The following SRGAP3 variants were observed in gnomAD, a reference collection of about 807,000 sequenced individuals.
The protein encoded by SRGAP3 is SLIT-ROBO Rho GTPase-activating protein 3.
Under a neutral mutation model 121.1 loss-of-function variants are expected in SRGAP3, and 39 were observed. The ratio of observed to expected loss-of-function variants is 0.32; its 90% CI spans 0.25 to 0.42. The LOEUF (loss-of-function observed/expected upper bound fraction) is 0.42. Ranked by LOEUF, SRGAP3 falls within the 10% of genes least tolerant of loss-of-function variation. The pLI, the probability that SRGAP3 is intolerant of heterozygous loss-of-function variation, is 1.00. For synonymous variants in SRGAP3, 601 were observed against 570.0 expected, an observed-to-expected ratio of 1.05 and a Z score of -0.77; for missense variants, 1,213 against 1,470.6, an observed-to-expected ratio of 0.82 and a Z score of 2.86.
chr3:9,218,645 CTTT>C lies in SRGAP3; in HGVS notation c.67+30237_67+30239del, dbSNP rs1272763524. 2.0e-5 allele frequency: 3 copies of C among 151,796 alleles called. No homozygotes were observed. Among genetic ancestry groups the C allele is most frequent in the Non-Finnish European group, 2.9e-5 (2 of 67,944 alleles). 9.4% of individuals were successfully genotyped at this position (151,796 alleles called of 1,614,324 possible). On this transcript the variant is annotated intron_variant, in intron 1 of 21. Coordinates refer to ENST00000383836, the MANE Select transcript of SRGAP3 (RefSeq NM_014850.4). This position sits in a 1 kb window ranked among gnomAD's most constrained non-coding sequence, Gnocchi z 5.3. ...TTGAATTTTTTATCTTTTAATTTTA[CTTT>C]TTATTATTTATTATTTTTATTTATT...
chr3:9,274,887 C>A (rs1954542416), intron 3 of SRGAP3, among the ~76,000 whole-genome samples: 1 of 152,210 alleles, frequency 6.6e-6, no homozygotes, highest in Non-Finnish European at 1.5e-5. Flanking sequence ...TGACATCCAG[C>A]TGCTTCTCCT....
chr3:9,211,501 G>C (rs1952444626), intron 1 of SRGAP3, among the ~76,000 whole-genome samples: 1 of 151,988 alleles, frequency 6.6e-6, no homozygotes, highest in Non-Finnish European at 1.5e-5. Flanking sequence ...TTGTATCTAG[G>C]GACATCACAG....
intron 3 of SRGAP3, among the ~76,000 whole-genome samples, chr3:9,324,101 T>G (rs568588356): frequency 6.6e-6 from 1 of 151,868 alleles, no homozygotes; most frequent in African/African-American, 2.4e-5. Flanking sequence ...TGAATGGAGT[T>G]TGAACATTCA....
At chr3:9,057,919 T>G (rs562415608) in intron 7 of SRGAP3, among the ~76,000 whole-genome samples, 2 of 152,286 alleles carry the variant, frequency 1.3e-5, no homozygotes, top group Admixed American at 1.3e-4. Flanking sequence ...GAGGCTACAG[T>G]GAGGCCCAGG....
intron 10 of SRGAP3, among the ~76,000 whole-genome samples, chr3:9,043,024 C>T (rs1401439342): frequency 6.6e-6 from 1 of 152,160 alleles, no homozygotes; most frequent in Non-Finnish European, 1.5e-5. Context: ...AACAGCAACT[C>T]CCCTAGGAAG....
intron 3 of SRGAP3, among the ~76,000 whole-genome samples, chr3:9,302,930 A>G (rs1437552777): frequency 6.7e-6 from 1 of 149,116 alleles, no homozygotes; most frequent in Non-Finnish European, 1.5e-5. Context: ...TACTTAAAGT[A>G]CCTAATATCT....
At chr3:9,025,412 C>G (rs1446001560) in intron 13 of SRGAP3, 74 bp from the exon 14 acceptor site, 27 of 1,438,906 alleles carry the variant, frequency 1.9e-5, no homozygotes, top group Non-Finnish European at 2.4e-5. Context: ...CCGGGAATAT[C>G]AGTGACTCTC....
intron 1 of SRGAP3, among the ~76,000 whole-genome samples, chr3:9,336,253 G>A (rs920816980): frequency 3.5e-5 from 5 of 144,724 alleles, no homozygotes; most frequent in African/African-American, 1.3e-4. Context: ...GTCTCATTCT[G>A]TAACCCAGAC....
At chr3:9,281,542 TTTA>T (rs35128183) in intron 3 of SRGAP3, among the ~76,000 whole-genome samples, 32,012 of 151,690 alleles carry the variant, frequency 0.21, 3,652 homozygotes, top group African/African-American at 0.29. Context: ...TGTACTTACT[TTTA>T]TTATTATTAT....
chr3:9,214,535 A>T (rs1273517617), intron 1 of SRGAP3, among the ~76,000 whole-genome samples: 2 of 152,244 alleles, frequency 1.3e-5, no homozygotes, highest in Non-Finnish European at 1.5e-5. Flanking sequence ...CCAGATAAAC[A>T]GCAAAGCAGT....
intron 2 of SRGAP3, among the ~76,000 whole-genome samples, chr3:9,118,144 A>G (rs1948871783): frequency 1.3e-5 from 2 of 152,134 alleles, no homozygotes; most frequent in African/African-American, 4.8e-5. Flanking sequence ...AAATAAGTAA[A>G]TATGTAAATA....
At chr3:9,168,539 G>A (rs534560305) in intron 1 of SRGAP3, among the ~76,000 whole-genome samples, 3 of 152,288 alleles carry the variant, frequency 2.0e-5, no homozygotes, top group Admixed American at 6.5e-5. Context: ...ATTCACCTGC[G>A]CTTTTTAACA....
intron 11 of SRGAP3, chr3:9,036,947 T>C (rs914763575): frequency 6.6e-6 from 1 of 152,220 alleles, no homozygotes; most frequent in African/African-American, 2.4e-5. Context: ...TGTTTCCAAA[T>C]TGCCAGAGCC....
rs185978084 is a variant in SRGAP3 at position 9,247,482 on chromosome 3, C to A, written c.67+1403G>T. 4.5e-3 allele frequency among the ~76,000 whole-genome samples: 692 copies of A among 152,220 alleles called. 3 individuals are homozygous for A. The highest frequency in any genetic ancestry group is 0.015 in the African/African-American group (636 of 41,526). ...ACTGTTGGTGAGACTGGAAAAAAAA[C>A]AGATCCCTCCCCCCGTGGCTGCTCC... On this transcript the variant is annotated intron_variant, in intron 1 of 21. Coordinates refer to ENST00000383836, the MANE Select transcript of SRGAP3 (RefSeq NM_014850.4).
At chr3:9,070,804 T>C (rs750957791) in intron 4 of SRGAP3, among the ~76,000 whole-genome samples, 13 of 152,164 alleles carry the variant, frequency 8.5e-5, no homozygotes, top group Non-Finnish European at 1.8e-4. Flanking sequence ...ATGTGCCAGG[T>C]ACTATGCTAG....
In SRGAP3 at chr3:9,039,240, G is replaced by A. The variant is rs371194855; in HGVS notation, c.1409-1150C>T. Reference sequence around the variant, plus strand: ...CACTTTCATGACTCCACACTTTCCAGGTGTTCTTCCTGCCCTACAAGTTCC... The same window carrying A: ...CACTTTCATGACTCCACACTTTCCAAGTGTTCTTCCTGCCCTACAAGTTCC... On this transcript the variant is annotated intron_variant, in intron 10 of 21. Coordinates refer to ENST00000383836, the MANE Select transcript of SRGAP3 (RefSeq NM_014850.4). Among the ~76,000 whole-genome samples, 61 of 152,232 alleles carry A rather than the reference G, an allele frequency of 4.0e-4. No homozygotes were observed. The East Asian group carries it at 5.6e-3, about 14-fold the overall frequency.
In SRGAP3 at chr3:9,002,578, A is replaced by T. The variant is rs1313170345; in HGVS notation, c.2227+7730T>A. ...AACCTAGAGCTAGCAGAAGGAAGGA[A>T]ATAATAAAGATTAGAGCAGAAATTA... On this transcript the variant is annotated intron_variant, in intron 18 of 21. Transcript: ENST00000383836. Among the ~76,000 whole-genome samples, 9 of 152,320 alleles carry T rather than the reference A, an allele frequency of 5.9e-5. No individual in the cohort carries two copies. In the East Asian group the frequency reaches 9.6e-4, roughly 16 times the overall value.
intron 2 of SRGAP3, among the ~76,000 whole-genome samples, chr3:9,122,525 T>C (rs2664118): frequency 0.66 from 99,621 of 151,376 alleles, 32,868 homozygotes; most frequent in Non-Finnish European, 0.69. Context: ...CTGGCTAACA[T>C]GGTGAAACCC....
chr3:9,215,472 C>A (rs1952585749), intron 1 of SRGAP3, among the ~76,000 whole-genome samples: 1 of 152,226 alleles, frequency 6.6e-6, no homozygotes, highest in Non-Finnish European at 1.5e-5. Context: ...ACCCAAGCTC[C>A]TCTCTGCTCA....
Sources: allele counts gnomAD v4.1 joint callset (sites outside exome capture counted in the v4.1 genomes callset), GRCh38; gene constraint gnomAD v4.1.1; non-coding constraint Gnocchi (gnomAD v3.1); transcripts MANE v1.5; gene names NCBI Gene and HGNC (gene_info 2026-07-23, HGNC 2026-07-21).